BLTP1: variants seen among roughly 807,000 people sequenced by gnomAD.
BLTP1 encodes the protein fragile site-associated protein.
At chr4:122,337,896 A>G in the BLTP1 span, among the ~76,000 whole-genome samples, 1 of 149,436 alleles carries the variant, frequency 6.7e-6, no homozygotes, top group Non-Finnish European at 1.5e-5. Flanking sequence ...CATATATACT[A>G]TACAAAATAT....
At chr4:122,269,775 A>G in the BLTP1 span, 1 of 671,150 alleles carries the variant, frequency 1.5e-6, no homozygotes, top group Non-Finnish European at 1.8e-6. Flanking sequence ...TCTGGCATGT[A>G]GTAAGTCCTC....
At chr4:122,182,728 C>T in the BLTP1 span, 2 of 985,090 alleles carry the variant, frequency 2.0e-6, no homozygotes, top group Non-Finnish European at 2.4e-6. Flanking sequence ...CAGTATTTTT[C>T]CTCCATTCAC....
the BLTP1 span, chr4:122,187,324 T>A: frequency 8.6e-6 from 13 of 1,503,506 alleles, no homozygotes; most frequent in East Asian, 2.8e-4. Flanking sequence ...TAGATGTATT[T>A]GGAAAGGTAA....
chr4:122,187,012 A>G, the BLTP1 span: 1 of 985,146 alleles, frequency 1.0e-6, no homozygotes, highest in Non-Finnish European at 1.2e-6. Flanking sequence ...GATTGTTTTC[A>G]GAAGTGCTTA....
At chr4:122,289,710 A>G in the BLTP1 span, 2 of 948,914 alleles carry the variant, frequency 2.1e-6, no homozygotes, top group Non-Finnish European at 2.5e-6. Flanking sequence ...ACAGTTCTTA[A>G]TGCTGAGTAT....
chr4:122,343,675 T>A, the BLTP1 span: 1 of 1,546,366 alleles, frequency 6.5e-7, no homozygotes, highest in South Asian at 1.2e-5. Flanking sequence ...CAAGCTTTAT[T>A]TTCATAAATC....
chr4:122,349,342 A>G, the BLTP1 span: 1 of 1,603,168 alleles, frequency 6.2e-7, no homozygotes, highest in Non-Finnish European at 8.5e-7. The surrounding 1 kb of genome is among the most constrained non-coding windows in gnomAD (Gnocchi z 4.5). Context: ...AAACTGACCT[A>G]ACATATCCTT....
chr4:122,353,243 T>G, the BLTP1 span: 2 of 1,535,522 alleles, frequency 1.3e-6, no homozygotes, highest in Non-Finnish European at 1.7e-6. This position sits in a 1 kb window ranked among gnomAD's most constrained non-coding sequence, Gnocchi z 4.3. Context: ...CCATCTCTGT[T>G]TGTTATCATG....
the BLTP1 span, among the ~76,000 whole-genome samples, chr4:122,252,148 G>C: frequency 6.6e-6 from 1 of 152,196 alleles, no homozygotes; most frequent in East Asian, 1.9e-4. Context: ...ACCAGCAGCA[G>C]TACCCAGGTA....
chr4:122,206,214 A>T, the BLTP1 span: 1 of 234,036 alleles, frequency 4.3e-6, no homozygotes, highest in Non-Finnish European at 7.0e-6. Flanking sequence ...CCTGAGACAC[A>T]GTAGACAGTA....
chr4:122,196,997 A>G, the BLTP1 span: 2 of 172,120 alleles, frequency 1.2e-5, no homozygotes, highest in Non-Finnish European at 2.3e-5. Context: ...CCTTCATGCT[A>G]TATTCTGGCT....
At chr4:122,170,420 A>T in the BLTP1 span, 1 of 977,292 alleles carries the variant, frequency 1.0e-6, no homozygotes, top group Non-Finnish European at 1.2e-6. Context: ...AGGACATTAC[A>T]AGTATGATCC....
At chr4:122,297,300 A>G in the BLTP1 span, among the ~76,000 whole-genome samples, 3 of 152,260 alleles carry the variant, frequency 2.0e-5, no homozygotes, top group Admixed American at 1.3e-4. Context: ...AAACGTATGA[A>G]AAAAGCTCAG....
the BLTP1 span, chr4:122,288,643 C>G: frequency 4.2e-6 from 1 of 237,794 alleles, no homozygotes; most frequent in Non-Finnish European, 6.6e-6. Flanking sequence ...CAGAGCAAGA[C>G]TCCGTCTCTA....
chr4:122,218,926 T>C, the BLTP1 span, among the ~76,000 whole-genome samples: 1 of 152,222 alleles, frequency 6.6e-6, no homozygotes, highest in East Asian at 1.9e-4. Flanking sequence ...ACTAGTTACC[T>C]AATTGAATTT....
At chr4:122,280,735 T>C in the BLTP1 span, among the ~76,000 whole-genome samples, 1 of 151,420 alleles carries the variant, frequency 6.6e-6, no homozygotes, top group African/African-American at 2.4e-5. Context: ...CCACATCCTA[T>C]AAGTGGGAAA....
the BLTP1 span, chr4:122,257,420 G>A: frequency 6.2e-7 from 1 of 1,613,990 alleles, no homozygotes; most frequent in Middle Eastern, 1.7e-4. Context: ...ACATGAAGAT[G>A]GACTTGGATT....
the BLTP1 span, among the ~76,000 whole-genome samples, chr4:122,321,979 A>ATTT: frequency 7.4e-5 from 2 of 27,018 alleles, 1 homozygote; most frequent in African/African-American, 4.3e-4. Flanking sequence ...ACTACATGTA[A>ATTT]TTTTTTTTTT....
the BLTP1 span, chr4:122,207,412 A>C: frequency 4.9e-6 from 7 of 1,435,532 alleles, no homozygotes; most frequent in African/African-American, 5.8e-5. Context: ...AGACTGTTTC[A>C]GAGTTTGTAT....
Sources: gnomAD v4.1 joint callset for allele counts (sites outside exome capture counted in the v4.1 genomes callset) on GRCh38, gnomAD v4.1.1 for gene constraint, Gnocchi (gnomAD v3.1) non-coding constraint, MANE v1.5 for transcripts, NCBI Gene and HGNC (gene_info 2026-07-23, HGNC 2026-07-21) for gene names.